Variants in FRMD4A observed in about 807,000 individuals in gnomAD.
FRMD4A encodes the protein FERM domain-containing protein 4A.
Under a neutral mutation model 129.1 loss-of-function variants are expected in FRMD4A, and 29 were observed. The ratio of observed to expected loss-of-function variants is 0.22; its 90% CI spans 0.17 to 0.31. The LOEUF is 0.31. Ranked by LOEUF, FRMD4A falls within the 10% of genes least tolerant of loss-of-function variation. The pLI is 1.00. For synonymous variants in FRMD4A, 634 were observed against 571.6 expected, an observed-to-expected ratio of 1.11 and a Z score of -1.56; for missense variants, 1,272 against 1,375.8, an observed-to-expected ratio of 0.92 and a Z score of 1.19.
intron 2 of FRMD4A, among the ~76,000 whole-genome samples, chr10:14,238,693 C>A (rs1843919863): frequency 6.6e-6 from 1 of 152,016 alleles, no homozygotes; most frequent in Non-Finnish European, 1.5e-5. Flanking sequence ...TATGCTCCTT[C>A]CCCCTACAGG....
At chr10:13,689,693 T>C (rs7919451) in intron 15 of FRMD4A, among the ~76,000 whole-genome samples, 122,580 of 151,528 alleles carry the variant, frequency 0.81, 49,804 homozygotes, top group African/African-American at 0.85. Context: ...GTGGGAAATA[T>C]AAGCATGCAC....
chr10:13,893,791 G>T (rs1461288872), intron 2 of FRMD4A, among the ~76,000 whole-genome samples: 1 of 152,198 alleles, frequency 6.6e-6, no homozygotes, highest in African/African-American at 2.4e-5. Flanking sequence ...GATTACAGGC[G>T]TGAGCCACCG....
intron 2 of FRMD4A, among the ~76,000 whole-genome samples, chr10:14,220,796 GTGTGTGTGTGTGTGTT>G (rs1481070600): frequency 3.3e-4 from 16 of 48,750 alleles, no homozygotes; most frequent in Admixed American, 7.0e-4. Flanking sequence ...GTGTGTGTGT[GTGTGTGTGTGTGTGTT>G]TGTGTGTGTG....
chr10:13,989,471 T>C (rs531713778), intron 2 of FRMD4A, among the ~76,000 whole-genome samples: 1 of 152,240 alleles, frequency 6.6e-6, no homozygotes, highest in Admixed American at 6.5e-5. Flanking sequence ...TTCTCCTGAC[T>C]CAGCCTCCCA....
At chr10:14,127,131 A>C (rs1283409265) in intron 2 of FRMD4A, among the ~76,000 whole-genome samples, 1 of 152,188 alleles carries the variant, frequency 6.6e-6, no homozygotes, top group East Asian at 1.9e-4. Context: ...CACAGGAGGG[A>C]GGCAGGAAAG....
intron 2 of FRMD4A, among the ~76,000 whole-genome samples, chr10:14,052,331 G>GT (rs937773130): frequency 4.6e-5 from 7 of 152,212 alleles, no homozygotes; most frequent in African/African-American, 1.2e-4. Context: ...ACACACAGCT[G>GT]TATCTGTCTG....
At chr10:14,247,908 T>C (rs1844301182) in intron 2 of FRMD4A, among the ~76,000 whole-genome samples, 1 of 152,124 alleles carries the variant, frequency 6.6e-6, no homozygotes, top group Non-Finnish European at 1.5e-5. Context: ...CGAAACAGCA[T>C]TTTCGTAAGT....
intron 20 of FRMD4A, 113 bp downstream of exon 20, chr10:13,660,203 A>G (rs2134668805): frequency 1.4e-6 from 1 of 702,258 alleles, no homozygotes; most frequent in African/African-American, 1.8e-5. Context: ...CCCCACGGGG[A>G]GGAACTAGGT....
chr10:13,767,491 G>A (rs149576645), intron 6 of FRMD4A, among the ~76,000 whole-genome samples: 55 of 152,244 alleles, frequency 3.6e-4, no homozygotes, highest in Admixed American at 3.9e-4. Flanking sequence ...CACCCACCTC[G>A]GCTTCCCAAA....
chr10:14,003,657 C>T (rs2131623944), intron 2 of FRMD4A: 1 of 49,600 alleles, frequency 2.0e-5, no homozygotes, highest in East Asian at 6.1e-4. Flanking sequence ...TCTCAGCTTC[C>T]TGGAGCCCAA....
In FRMD4A at chr10:13,911,475, C is replaced by T. The variant is rs147037678; in HGVS notation, c.46-52563G>A. 4.2e-3 allele frequency among the ~76,000 whole-genome samples: 644 copies of T among 152,276 alleles called. 4 individuals are homozygous for T. Among genetic ancestry groups the T allele is most frequent in the African/African-American group, 0.015 (624 of 41,540 alleles). On this transcript the variant is annotated intron_variant, in intron 2 of 24. Coordinates refer to ENST00000357447, the MANE Select transcript of FRMD4A (RefSeq NM_018027.5). ...CTAGCAAATCAGAGTTCATTCAGTT[C>T]ACCACCTGCAAGGAAATGCATTTTT...
At chr10:14,067,038 C>A (rs747202599) in intron 2 of FRMD4A, among the ~76,000 whole-genome samples, 4 of 152,182 alleles carry the variant, frequency 2.6e-5, no homozygotes, top group Non-Finnish European at 5.9e-5. Context: ...TATGTCTCGG[C>A]TAGGTGCAGT....
At chr10:14,281,240 C>A (rs1002207182) in intron 2 of FRMD4A, among the ~76,000 whole-genome samples, 41 of 152,152 alleles carry the variant, frequency 2.7e-4, no homozygotes, top group African/African-American at 9.9e-4. Flanking sequence ...GATCTGCCAG[C>A]CTTGGCCTCC....
At position 13,738,523 on chromosome 10, in the gene FRMD4A, T is replaced by C. The variant is rs567662555; in HGVS notation, c.673-593A>G. On this transcript the variant is annotated intron_variant, in intron 11 of 24. Coordinates refer to ENST00000357447, the MANE Select transcript of FRMD4A (RefSeq NM_018027.5). ...GGTCCTGCTCACCCAAGATGACAGC[T>C]GGGTGCCAGGCAGGGTTTTAGGACT... Among the ~76,000 whole-genome samples the C allele has an allele frequency of 3.0e-3, 457 of 152,302 alleles. 1 individual carries two copies. Among genetic ancestry groups the C allele is most frequent in the Non-Finnish European group, 4.3e-3 (295 of 68,024 alleles).
intron 2 of FRMD4A, among the ~76,000 whole-genome samples, chr10:14,293,562 C>T (rs1047886427): frequency 6.6e-6 from 1 of 151,548 alleles, no homozygotes; most frequent in Non-Finnish European, 1.5e-5. Context: ...TAACACTTAG[C>T]ATTGTATTAT....
intron 2 of FRMD4A, among the ~76,000 whole-genome samples, chr10:14,131,791 C>T (rs1839274296): frequency 6.6e-6 from 1 of 152,102 alleles, no homozygotes; most frequent in African/African-American, 2.4e-5. Context: ...CTTCCGCTCC[C>T]GCTAGAAGCT....
intron 5 of FRMD4A, 41 bp from the exon 6 acceptor site, chr10:13,783,047 G>T (rs766784937): frequency 6.2e-6 from 5 of 810,470 alleles, no homozygotes; most frequent in Non-Finnish European, 1.1e-5. Context: ...GAAACAGCAG[G>T]TGCAGAAAAT....
chr10:14,292,396 A>T (rs1845876982), intron 2 of FRMD4A, among the ~76,000 whole-genome samples: 1 of 152,262 alleles, frequency 6.6e-6, no homozygotes, highest in Non-Finnish European at 1.5e-5. Context: ...AAAATGACAG[A>T]CAATTCAATC....
At chr10:14,203,940 C>A (rs936556877) in intron 2 of FRMD4A, among the ~76,000 whole-genome samples, 1 of 152,240 alleles carries the variant, frequency 6.6e-6, no homozygotes. Flanking sequence ...GTTTGACCCA[C>A]AGTTCCCAAC....
Sources: allele counts gnomAD v4.1 joint callset (sites outside exome capture counted in the v4.1 genomes callset), GRCh38; gene constraint gnomAD v4.1.1; transcripts MANE v1.5; gene names NCBI Gene and HGNC (gene_info 2026-07-23, HGNC 2026-07-21).